The following RASA3 variants were observed in gnomAD, a reference collection of about 807,000 sequenced individuals.
RASA3 encodes the protein RAS p21 protein activator 3.
Under a neutral mutation model 110.0 loss-of-function variants are expected in RASA3, and 73 were observed. The observed-to-expected ratio is 0.66, with a 90% CI of 0.55 to 0.81. The LOEUF (loss-of-function observed/expected upper bound fraction) is 0.81, where lower values mean the gene tolerates loss of function less well. Among genes scored for constraint, RASA3 ranks in the 30% least tolerant of loss-of-function variants. The pLI, the probability that RASA3 is intolerant of heterozygous loss-of-function variation, is 0.00. For synonymous variants in RASA3, 500 were observed against 451.4 expected, an observed-to-expected ratio of 1.11 and a Z score of -1.37; for missense variants, 976 against 1,113.2, an observed-to-expected ratio of 0.88 and a Z score of 1.75.
At position 114,010,172 on chromosome 13, in the gene RASA3, C is replaced by T. The variant is rs572370884; in HGVS notation, c.1591-708G>A. Among the ~76,000 whole-genome samples, 4 of 152,298 alleles carry T rather than the reference C, an allele frequency of 2.6e-5. No homozygotes were observed. In the East Asian group the frequency reaches 7.7e-4, roughly 29 times the overall value. On this transcript the variant is annotated intron_variant, in intron 16 of 23. Transcript: ENST00000334062. ...GAGTGTGGCACATCTTTTACTCACT[C>T]GGACTCAGAGAAACCCAACGTTTGC...
At chr13:114,017,384 C>T in intron 11 of RASA3, 33 bp from the exon 12 acceptor site, 1 of 1,572,754 alleles carries the variant, frequency 6.4e-7, no homozygotes, top group Non-Finnish European at 8.7e-7. Flanking sequence ...GCGTTTGTCT[C>T]CTGGGGACGC....
intron 1 of RASA3, among the ~76,000 whole-genome samples, chr13:114,128,768 AAAG>A (rs987856443): frequency 2.6e-5 from 4 of 152,160 alleles, no homozygotes; most frequent in African/African-American, 7.2e-5. Flanking sequence ...CCCAGAGGAG[AAAG>A]AAGGGAGCGA....
chr13:114,095,969 C>A (rs1249829763), intron 1 of RASA3, among the ~76,000 whole-genome samples: 1 of 152,238 alleles, frequency 6.6e-6, no homozygotes, highest in Non-Finnish European at 1.5e-5. Flanking sequence ...AAACCACGAT[C>A]CTCTTTGGTA....
chr13:114,081,745 G>C (rs1350468162), intron 1 of RASA3, among the ~76,000 whole-genome samples: 1 of 152,182 alleles, frequency 6.6e-6, no homozygotes, highest in African/African-American at 2.4e-5. Context: ...AAAACACCCA[G>C]GGAATAACGA....
intron 3 of RASA3, among the ~76,000 whole-genome samples, chr13:114,051,487 AG>A (rs2079145669): frequency 6.6e-6 from 1 of 152,200 alleles, no homozygotes; most frequent in Non-Finnish European, 1.5e-5. Flanking sequence ...CACAACTTAC[AG>A]GATGCCGCCT....
At chr13:114,018,374 A>G (rs1253169040) in intron 10 of RASA3, 122 bp from the exon 11 acceptor site, 14 of 1,286,764 alleles carry the variant, frequency 1.1e-5, no homozygotes, top group Non-Finnish European at 1.1e-5. Flanking sequence ...TGAGACAGAA[A>G]CACACACATT....
chr13:114,118,918 T>C (rs968627861), intron 1 of RASA3, among the ~76,000 whole-genome samples: 2 of 152,220 alleles, frequency 1.3e-5, no homozygotes, highest in African/African-American at 4.8e-5. Context: ...GGTGCCACCG[T>C]GGGGTCCCCC....
intron 15 of RASA3, among the ~76,000 whole-genome samples, chr13:114,012,930 ACTCCT>A (rs71716252): frequency 9.8e-6 from 1 of 101,906 alleles, no homozygotes. Flanking sequence ...CACTCCACAC[ACTCCT>A]CATTCCACAA....
At chr13:114,075,454 G>A (rs1338190926) in intron 1 of RASA3, among the ~76,000 whole-genome samples, 1 of 103,260 alleles carries the variant, frequency 9.7e-6, no homozygotes, top group African/African-American at 3.9e-5. Context: ...CGCCTCCCGT[G>A]TCCGCGCCGC....
chr13:114,124,076 G>A (rs1044095239), intron 1 of RASA3, among the ~76,000 whole-genome samples: 3 of 152,066 alleles, frequency 2.0e-5, no homozygotes, highest in Admixed American at 6.5e-5. Context: ...CCAGAAGCCC[G>A]GCACGGTGTC....
chr13:113,989,124 C>A (rs2053040187), intron 22 of RASA3, among the ~76,000 whole-genome samples: 1 of 149,068 alleles, frequency 6.7e-6, no homozygotes, highest in Non-Finnish European at 1.5e-5. Context: ...CATCACTCAC[C>A]CATCTGTCCA....
At position 113,994,585 on chromosome 13, in the gene RASA3, C is replaced by T. The variant is rs377106694; in HGVS notation, c.2141+1946G>A. On this transcript the variant is annotated intron_variant, in intron 21 of 23. Coordinates refer to ENST00000334062, the MANE Select transcript of RASA3 (RefSeq NM_007368.4). The stretch of plus-strand genomic sequence containing the variant: ...GCCGAGGCAAGAAGGATCGCTTGAG[C>T]CCAGGAGTTTGAGCAACACCACCCT... 8.5e-5 allele frequency among the ~76,000 whole-genome samples: 13 copies of T among 152,276 alleles called. No individual in the cohort carries two copies. In the South Asian group the frequency reaches 1.4e-3, roughly 17 times the overall value.
At chr13:114,106,260 AAT>A (rs1020265972) in intron 1 of RASA3, among the ~76,000 whole-genome samples, 1 of 152,202 alleles carries the variant, frequency 6.6e-6, no homozygotes, top group Non-Finnish European at 1.5e-5. Flanking sequence ...CACGGAGCAA[AAT>A]AAGAATGGAG....
intron 18 of RASA3, among the ~76,000 whole-genome samples, chr13:114,003,304 G>A (rs969503538): frequency 6.6e-6 from 1 of 152,100 alleles, no homozygotes; most frequent in Non-Finnish European, 1.5e-5. Context: ...CACCTGGGAG[G>A]CGCCTGTCCT....
chr13:114,053,173 C>G (rs969327779), intron 2 of RASA3, among the ~76,000 whole-genome samples: 1 of 152,276 alleles, frequency 6.6e-6, no homozygotes, highest in African/African-American at 2.4e-5. Context: ...GCCCAGCCGC[C>G]CTAGCTCCTG....
chr13:114,002,303 AAGCTGCTGGG>A (rs1397674165), intron 18 of RASA3, among the ~76,000 whole-genome samples: 90 of 152,340 alleles, frequency 5.9e-4, no homozygotes, highest in African/African-American at 2.0e-3. Flanking sequence ...GAGGGTGTGG[AAGCTGCTGGG>A]AGCTGTTCAA....
intron 4 of RASA3, among the ~76,000 whole-genome samples, chr13:114,033,722 G>A (rs370154572): frequency 3.3e-5 from 5 of 152,310 alleles, no homozygotes; most frequent in African/African-American, 1.2e-4. Flanking sequence ...AGGGGGAATG[G>A]AACTGGGTCT....
Position 114,073,824 on chromosome 13 carries a change from G to T in RASA3, c.69C>A (p.Asn23Lys), listed in dbSNP as rs1398916002. 1 of 1,613,934 alleles carries T rather than the reference G, an allele frequency of 6.2e-7. No homozygotes were observed. Among genetic ancestry groups the T allele is most frequent in the South Asian group, 1.1e-5 (1 of 91,080 alleles). The change falls in exon 2 of 24, where the codon AAC becomes AAA. Residue 23 changes from asparagine (N) to lysine (K), a missense_variant. Physicochemically the swap from Asn to Lys is moderately conservative, Grantham distance 94. This residue lies in a region of RASA3 where 732 missense variants were observed against 779.7 expected (regional missense o/e 0.94). Coordinates refer to ENST00000334062, the MANE Select transcript of RASA3 (RefSeq NM_007368.4). Reference sequence around the variant, plus strand: ...TGCTCGGCCCCGGGTAAGAGGGAAGGTTTTTGGCTTCACCTAAAAAGTAAA... The same window carrying T: ...TGCTCGGCCCCGGGTAAGAGGGAAGTTTTTTGGCTTCACCTAAAAAGTAAA... ...SVKIKIGEAK[N>K]LPSYPGPSKM...
intron 6 of RASA3, 78 bp from the exon 7 acceptor site, chr13:114,027,539 C>T (rs370112329): frequency 1.5e-5 from 16 of 1,086,478 alleles, no homozygotes; most frequent in East Asian, 1.4e-4. Context: ...ACCGAGCTCT[C>T]AAATGCACAA....
Sources: gnomAD v4.1 joint callset for allele counts (sites outside exome capture counted in the v4.1 genomes callset) on GRCh38, gnomAD v4.1.1 for gene constraint, gnomAD v4.1.1 regional missense constraint, MANE v1.5 for transcripts, NCBI Gene and HGNC (gene_info 2026-07-23, HGNC 2026-07-21) for gene names.